Variants in YAE1 observed in about 807,000 individuals in gnomAD.
YAE1 encodes the protein protein YAE1 homolog.
In YAE1, 22 loss-of-function variants were observed where a neutral mutation model predicts 23.0. The observed-to-expected ratio is 0.96, with a 90% CI of 0.68 to 1.37. The LOEUF (loss-of-function observed/expected upper bound fraction) is 1.37, where lower values mean the gene tolerates loss of function less well. Among genes scored for constraint, YAE1 ranks in the 40% most tolerant of loss-of-function variants. The pLI, the probability that YAE1 is intolerant of heterozygous loss-of-function variation, is 0.00. For synonymous variants in YAE1, 101 were observed against 97.0 expected (o/e 1.04, Z -0.24); for missense variants, 260 against 262.1 (o/e 0.99, Z 0.06).
intron 2 of YAE1, among the ~76,000 whole-genome samples, chr7:39,583,890 G>A (rs755976483): frequency 1.3e-5 from 2 of 152,192 alleles, no homozygotes; most frequent in Non-Finnish European, 2.9e-5. Flanking sequence ...TAAAGAATCT[G>A]CATATATGGA....
downstream of YAE1, among the ~76,000 whole-genome samples, chr7:39,573,581 A>G (rs369643478): frequency 6.6e-6 from 1 of 152,212 alleles, no homozygotes; most frequent in Non-Finnish European, 1.5e-5. Flanking sequence ...ACACAAGTTT[A>G]TATGAGATAC....
chr7:39,575,577 A>AGAGAGAGAGAGAGAGAGAGAGAGTGT (rs1173016799), downstream of YAE1, among the ~76,000 whole-genome samples: 5 of 80,274 alleles, frequency 6.2e-5, no homozygotes, highest in South Asian at 1.4e-3. Flanking sequence ...AGAGAGAGAG[A>AGAGAGAGAGAGAGAGAGAGAGAGTGT]GTGAGTGTGT....
chr7:39,594,571 T>C (rs1224024290), intron 2 of YAE1, among the ~76,000 whole-genome samples: 1 of 152,108 alleles, frequency 6.6e-6, no homozygotes, highest in Admixed American at 6.6e-5. Context: ...GTTGGTCTGA[T>C]ACATGCTACT....
At chr7:39,604,959 A>G (rs1452587718) in intron 2 of YAE1, among the ~76,000 whole-genome samples, 1 of 152,248 alleles carries the variant, frequency 6.6e-6, no homozygotes, top group Non-Finnish European at 1.5e-5. Flanking sequence ...AATAGAATAT[A>G]GACTTACTCT....
At chr7:39,594,561 G>T (rs912445123) in intron 2 of YAE1, among the ~76,000 whole-genome samples, 19 of 151,762 alleles carry the variant, frequency 1.3e-4, no homozygotes, top group Non-Finnish European at 2.5e-4. Context: ...TTGTGGAATG[G>T]TTGGTCTGAT....
At chr7:39,592,928 C>T (rs916060260) in intron 2 of YAE1, among the ~76,000 whole-genome samples, 1 of 152,170 alleles carries the variant, frequency 6.6e-6, no homozygotes, top group East Asian at 1.9e-4. Context: ...TGGTCATTCT[C>T]TCTCTACTGG....
exon 3 of YAE1, chr7:39,610,106 C>T: frequency 8.4e-7 from 1 of 1,192,484 alleles, no homozygotes; most frequent in South Asian, 1.6e-5. Flanking sequence ...CCTTGGCCCT[C>T]CGGCAAGCTA....
At chr7:39,574,087 TC>T (rs1439598125), downstream of YAE1, among the ~76,000 whole-genome samples, 1 of 152,030 alleles carries the variant, frequency 6.6e-6, no homozygotes, top group Non-Finnish European at 1.5e-5. Context: ...AGGATGCATC[TC>T]AAGGCCACCC....
intron 2 of YAE1, among the ~76,000 whole-genome samples, chr7:39,599,041 A>G (rs1791017519): frequency 1.3e-5 from 2 of 152,006 alleles, no homozygotes; most frequent in Non-Finnish European, 2.9e-5. Context: ...GGAGTTTGAG[A>G]CCAGCCTGGC....
chr7:39,567,871 A>T (rs1299673116), intron 1 of YAE1, among the ~76,000 whole-genome samples: 1 of 152,130 alleles, frequency 6.6e-6, no homozygotes, highest in South Asian at 2.1e-4. Context: ...CATTGTATTT[A>T]TGGTTTTCCC....
intron 2 of YAE1, among the ~76,000 whole-genome samples, chr7:39,607,858 G>A (rs892358050): frequency 4.6e-5 from 7 of 152,246 alleles, no homozygotes; most frequent in African/African-American, 1.4e-4. Context: ...TAGTAGAGAC[G>A]GGGTTTTACC....
chr7:39,593,156 A>G (rs1330632845), intron 2 of YAE1, among the ~76,000 whole-genome samples: 4 of 116,420 alleles, frequency 3.4e-5, no homozygotes, highest in Non-Finnish European at 7.1e-5. Flanking sequence ...ATCTAGCTCT[A>G]TAATTTCCAT....
At chr7:39,594,180 G>T (rs1358375445) in intron 2 of YAE1, among the ~76,000 whole-genome samples, 1 of 152,164 alleles carries the variant, frequency 6.6e-6, no homozygotes, top group Non-Finnish European at 1.5e-5. Flanking sequence ...GGCTTCTCAG[G>T]TTCTGCCCTG....
At chr7:39,574,622 A>G (rs1035256873), downstream of YAE1, among the ~76,000 whole-genome samples, 8 of 151,586 alleles carry the variant, frequency 5.3e-5, no homozygotes, top group Non-Finnish European at 8.8e-5. Flanking sequence ...AATCCCAGCT[A>G]CTGGGGAGGC....
In YAE1 at chr7:39,572,870, A is replaced by C. The variant is rs148975249; in HGVS notation, c.*164A>C. 1.6e-6 allele frequency: 2 copies of C among 1,286,610 alleles called. No homozygotes were observed. The highest frequency in any genetic ancestry group is 2.0e-6 in the Non-Finnish European group (2 of 1,015,002). 79.7% of individuals were successfully genotyped at this position (1,286,610 alleles called of 1,614,324 possible). ...TTCAAAATTAACACTATTAAATGTA[A>C]TATAAGCCTTTTTTCTTTGTCACTG... is the stretch of plus-strand genomic sequence containing the variant. On this transcript the variant is annotated 3_prime_UTR_variant, in exon 3 of 3. Coordinates refer to ENST00000223273, the MANE Select transcript of YAE1 (RefSeq NM_020192.5).
rs936671016 is a variant in YAE1, at chr7:39,601,707, C to T, written c.252-7910C>T. 4.0e-5 allele frequency among the ~76,000 whole-genome samples: 6 copies of T among 149,524 alleles called. No homozygotes were observed. The South Asian group carries it at 1.3e-3, about 32-fold the overall frequency. Reference sequence around the variant, plus strand: ...CCAGGAGGCAGAGGTTTCAGTGAGCCGAGATGGAGCCACTGCACTCCAGCC... The same window carrying T: ...CCAGGAGGCAGAGGTTTCAGTGAGCTGAGATGGAGCCACTGCACTCCAGCC... On this transcript the variant is annotated intron_variant, in intron 2 of 2. Coordinates refer to the YAE1 transcript ENST00000432096.
chr7:39,609,793 GCGCCACTCCCCGCTTCCC>G (rs770122474), exon 3 of YAE1: 22 of 1,531,840 alleles, frequency 1.4e-5, no homozygotes, highest in Admixed American at 2.0e-5. Flanking sequence ...CAAAGCGGCC[GCGCCACTCCCCGCTTCCC>G]CGCCCGGCTC....
intron 2 of YAE1, among the ~76,000 whole-genome samples, chr7:39,595,487 A>G (rs112511829): frequency 1.2e-4 from 19 of 152,178 alleles, no homozygotes; most frequent in Admixed American, 3.9e-4. Flanking sequence ...CTCAGTCAAG[A>G]AGGCTTTATG....
intron 2 of YAE1, among the ~76,000 whole-genome samples, chr7:39,582,389 C>T (rs183831186): frequency 6.6e-6 from 1 of 152,172 alleles, no homozygotes; most frequent in African/African-American, 2.4e-5. Flanking sequence ...TTTAACCTAT[C>T]AGCTGTTTAG....
Sources: allele counts gnomAD v4.1 joint callset (sites outside exome capture counted in the v4.1 genomes callset), GRCh38; gene constraint gnomAD v4.1.1; transcripts MANE v1.5; gene names NCBI Gene and HGNC (gene_info 2026-07-23, HGNC 2026-07-21).